Variants in PPP3CA observed in about 807,000 individuals in gnomAD.
PPP3CA encodes CAM-PRP catalytic subunit.
Under a neutral mutation model 66.5 loss-of-function variants are expected in PPP3CA, and 14 were observed. The ratio of observed to expected loss-of-function variants is 0.21; its 90% CI spans 0.14 to 0.33. The LOEUF (loss-of-function observed/expected upper bound fraction) is 0.33, where lower values mean the gene tolerates loss of function less well. Ranked by LOEUF, PPP3CA falls within the 10% of genes least tolerant of loss-of-function variation. The pLI is 1.00. For missense variants in PPP3CA, 317 were observed against 639.5 expected, an observed-to-expected ratio of 0.50 and a Z score of 5.44; for synonymous variants, 232 against 226.2, an observed-to-expected ratio of 1.03 and a Z score of -0.23.
intron 2 of PPP3CA, among the ~76,000 whole-genome samples, chr4:101,190,649 A>G (rs1430872686): frequency 1.3e-5 from 2 of 152,088 alleles, no homozygotes; most frequent in African/African-American, 2.4e-5. Flanking sequence ...TTTTTGTTTG[A>G]TACACTGTTC....
chr4:101,116,119 C>A (rs1721831531), intron 2 of PPP3CA, among the ~76,000 whole-genome samples: 1 of 151,854 alleles, frequency 6.6e-6, no homozygotes, highest in African/African-American at 2.4e-5. Context: ...TGGCTTTTAT[C>A]ATCTTGGAAG....
intron 1 of PPP3CA, among the ~76,000 whole-genome samples, chr4:101,223,348 T>C (rs1434704981): frequency 6.6e-6 from 1 of 151,798 alleles, no homozygotes; most frequent in African/African-American, 2.4e-5. Context: ...TATAAAATTG[T>C]TTCAAACATA....
chr4:101,328,339 A>G (rs1465097485), intron 1 of PPP3CA, among the ~76,000 whole-genome samples: 1 of 152,258 alleles, frequency 6.6e-6, no homozygotes, highest in East Asian at 1.9e-4. Flanking sequence ...CAAACAATTT[A>G]AGAATTGTAT....
rs564325335 is a variant in PPP3CA at position 101,281,843 on chromosome 4, T to C, written c.58+64896A>G. 3.9e-5 allele frequency among the ~76,000 whole-genome samples: 6 copies of C among 152,338 alleles called. No homozygotes were observed. In the South Asian group the frequency reaches 1.2e-3, roughly 32 times the overall value. ...ATTAATCAAAATGCTTGTCTACATA[T>C]AACAAAGACAGACTTGCTAGTTATT... On this transcript the variant is annotated intron_variant, in intron 1 of 13. Transcript: ENST00000394854.
At chr4:101,313,104 A>G (rs1160747005) in intron 1 of PPP3CA, among the ~76,000 whole-genome samples, 3 of 152,306 alleles carry the variant, frequency 2.0e-5, no homozygotes, top group Admixed American at 2.0e-4. Context: ...TTATTACTAA[A>G]GATCCTATGG....
At chr4:101,112,126 G>A (rs1410178552) in intron 2 of PPP3CA, among the ~76,000 whole-genome samples, 1 of 151,960 alleles carries the variant, frequency 6.6e-6, no homozygotes, top group Non-Finnish European at 1.5e-5. Context: ...TGTAAACTGC[G>A]GGTTAGGCAT....
At chr4:101,126,871 G>A in intron 2 of PPP3CA, among the ~76,000 whole-genome samples, 1 of 152,178 alleles carries the variant, frequency 6.6e-6, no homozygotes, top group East Asian at 1.9e-4. Context: ...TATGAAGGTT[G>A]TTAATAGTAC....
rs115114299 is a variant in PPP3CA at position 101,169,124 on chromosome 4, A to C, written c.259+26792T>G. On this transcript the variant is annotated intron_variant, in intron 2 of 13. Coordinates refer to ENST00000394854, the MANE Select transcript of PPP3CA (RefSeq NM_000944.5). ...AAACAGGAACTACAGATAAGCAGTT[A>C]AGCAATTATACCTACATACAAAGGT... 8.2e-3 allele frequency among the ~76,000 whole-genome samples: 1,246 copies of C among 152,326 alleles called. 17 individuals carry two copies. The highest frequency in any genetic ancestry group is 0.029 in the African/African-American group (1,197 of 41,564).
At chr4:101,115,247 A>G (rs1200746484) in intron 2 of PPP3CA, among the ~76,000 whole-genome samples, 1 of 151,996 alleles carries the variant, frequency 6.6e-6, no homozygotes, top group Non-Finnish European at 1.5e-5. Flanking sequence ...GTGTGCTTCT[A>G]AGTAGAGAAG....
intron 2 of PPP3CA, among the ~76,000 whole-genome samples, chr4:101,158,608 G>C (rs988655341): frequency 2.0e-5 from 3 of 152,150 alleles, no homozygotes; most frequent in Non-Finnish European, 2.9e-5. Flanking sequence ...CACACGGCAG[G>C]TCTAGGTTTT....
intron 1 of PPP3CA, among the ~76,000 whole-genome samples, chr4:101,345,966 G>A (rs1729971565): frequency 6.6e-6 from 1 of 152,212 alleles, no homozygotes; most frequent in Non-Finnish European, 1.5e-5. Context: ...GGGATGGCAA[G>A]AGAGGCTGGA....
chr4:101,129,957 T>C (rs991093920), intron 2 of PPP3CA, among the ~76,000 whole-genome samples: 1 of 152,014 alleles, frequency 6.6e-6, no homozygotes, highest in Non-Finnish European at 1.5e-5. Context: ...CCTCCTGAGC[T>C]AAAGAAGCAT....
chr4:101,272,406 G>A (rs1727363958), intron 1 of PPP3CA, among the ~76,000 whole-genome samples: 1 of 152,108 alleles, frequency 6.6e-6, no homozygotes, highest in South Asian at 2.1e-4. Flanking sequence ...AAATTCCAGA[G>A]ACATAATGCC....
At chr4:101,345,367 G>T (rs182272662) in intron 1 of PPP3CA, among the ~76,000 whole-genome samples, 5 of 152,332 alleles carry the variant, frequency 3.3e-5, no homozygotes, top group Non-Finnish European at 5.9e-5. Context: ...TCTTTGGGCT[G>T]CTGGGTTACT....
chr4:101,164,604 G>A (rs1723632629), intron 2 of PPP3CA, among the ~76,000 whole-genome samples: 1 of 137,174 alleles, frequency 7.3e-6, no homozygotes, highest in Admixed American at 8.1e-5. Context: ...ACAATTAAAA[G>A]CCGTTGCAAA....
chr4:101,083,417 T>C (rs1729526087), intron 6 of PPP3CA, among the ~76,000 whole-genome samples, 154 bp from the exon 7 acceptor site: 1 of 152,156 alleles, frequency 6.6e-6, no homozygotes, highest in South Asian at 2.1e-4. Flanking sequence ...GCCAAGTTTA[T>C]CCTTGTGGCA....
At chr4:101,200,466 T>C (rs959242014) in intron 1 of PPP3CA, among the ~76,000 whole-genome samples, 5 of 152,124 alleles carry the variant, frequency 3.3e-5, no homozygotes, top group Admixed American at 1.3e-4. Flanking sequence ...TATAAAAATA[T>C]GCCAATGCAT....
chr4:101,090,235 T>C (rs903303088), intron 6 of PPP3CA, among the ~76,000 whole-genome samples: 2 of 152,214 alleles, frequency 1.3e-5, no homozygotes, highest in African/African-American at 4.8e-5. Flanking sequence ...AGATAAAACA[T>C]AATCCAGACT....
chr4:101,280,819 CA>C lies in PPP3CA; in HGVS notation c.58+65919del, dbSNP rs5860668. On this transcript the variant is annotated intron_variant, in intron 1 of 13. Transcript: ENST00000394854. ...TGGGTGACAGAGCCAGACTCAGTCT[CA>C]AAAAAAAAAAAAAAAACTGGAAACC... 6.4e-3 allele frequency among the ~76,000 whole-genome samples: 543 copies of C among 84,592 alleles called. 1 individual carries two copies. The highest frequency in any genetic ancestry group is 0.05 in the Middle Eastern group (6 of 120). 55.5% of individuals were successfully genotyped at this position (84,592 alleles called of 152,430 possible).
Sources: gnomAD v4.1 joint callset for allele counts (sites outside exome capture counted in the v4.1 genomes callset) on GRCh38, gnomAD v4.1.1 for gene constraint, MANE v1.5 for transcripts, NCBI Gene and HGNC (gene_info 2026-07-23, HGNC 2026-07-21) for gene names.